ZNF331: variants seen among roughly 807,000 people sequenced by gnomAD.
ZNF331 encodes the protein zinc finger protein 331.
A neutral mutation model predicts 7.0 loss-of-function variants in ZNF331; 2 were observed. That is an observed-to-expected ratio of 0.29 (90% CI 0.12 to 0.90). The LOEUF (loss-of-function observed/expected upper bound fraction) is 0.90. Ranked by LOEUF, ZNF331 falls within the 40% of genes least tolerant of loss-of-function variation. The pLI is 0.58. For synonymous variants in ZNF331, 196 were observed against 205.4 expected (o/e 0.95, Z 0.39); for missense variants, 432 against 587.7 (o/e 0.74, Z 2.74).
At chr19:53,535,018 C>CAA (rs59509834), upstream of ZNF331, among the ~76,000 whole-genome samples, 871 of 127,096 alleles carry the variant, frequency 6.9e-3, 9 homozygotes, top group East Asian at 0.033. Flanking sequence ...AGCCTGTAAC[C>CAA]AAAAAAAAAA....
Position 53,571,858 on chromosome 19 carries a change from C to T in ZNF331, c.136+128C>T. 2 of 1,286,402 alleles carry T rather than the reference C, an allele frequency of 1.6e-6. No individual in the cohort carries two copies. Among genetic ancestry groups the T allele is most frequent in the Non-Finnish European group, 2.1e-6 (2 of 953,498 alleles). 79.7% of individuals were successfully genotyped at this position (1,286,402 alleles called of 1,614,324 possible). On this transcript the variant is annotated intron_variant, in intron 5 of 5. Transcript: ENST00000449416. This position sits in a 1 kb window ranked among gnomAD's most constrained non-coding sequence, Gnocchi z 4.7. Reference sequence around the variant, plus strand: ...CCTGTCCCCAAGGAATGTATTGAGCCTTATTGATGTGGCCGTGAGCACCAC... The same window carrying T: ...CCTGTCCCCAAGGAATGTATTGAGCTTTATTGATGTGGCCGTGAGCACCAC...
intron 3 of ZNF331, among the ~76,000 whole-genome samples, chr19:53,564,397 A>T (rs1014227756): frequency 6.6e-6 from 1 of 151,990 alleles, no homozygotes; most frequent in Non-Finnish European, 1.5e-5. Flanking sequence ...CTCCCGCCTC[A>T]GCCTCCCAAG....
intron 3 of ZNF331, among the ~76,000 whole-genome samples, chr19:53,563,511 C>A (rs2090001000): frequency 6.6e-6 from 1 of 152,038 alleles, no homozygotes; most frequent in Non-Finnish European, 1.5e-5. Context: ...TTTCATTCTT[C>A]ACACATTAAG....
chr19:53,532,038 G>C (rs1446788100), intron 2 of ZNF331, among the ~76,000 whole-genome samples: 1 of 151,646 alleles, frequency 6.6e-6, no homozygotes, highest in African/African-American at 2.4e-5. Flanking sequence ...ATTATGTTTT[G>C]ATATGTGTGT....
chr19:53,548,670 G>A (rs1430647654), intron 2 of ZNF331, among the ~76,000 whole-genome samples: 1 of 152,064 alleles, frequency 6.6e-6, no homozygotes, highest in Non-Finnish European at 1.5e-5. Flanking sequence ...TTAGTTTGAT[G>A]TAGTCCCATT....
chr19:53,540,934 C>T (rs184995989), intron 2 of ZNF331, among the ~76,000 whole-genome samples: 24 of 152,234 alleles, frequency 1.6e-4, no homozygotes, highest in African/African-American at 4.6e-4. Flanking sequence ...ACATTAGGCC[C>T]GCTGAGGTAA....
chr19:53,521,325 T>TGTGGGA (rs1256627156), exon 1 of ZNF331: 2 of 97,790 alleles, frequency 2.0e-5, no homozygotes, highest in African/African-American at 8.3e-5. Context: ...AGTGGGAGTG[T>TGTGGGA]GTGTGAGTGT....
intron 4 of ZNF331, 119 bp downstream of exon 4, chr19:53,569,504 T>A (rs538024010): frequency 5.8e-4 from 668 of 1,151,446 alleles, no homozygotes; most frequent in Non-Finnish European, 7.8e-4. Flanking sequence ...GTTTCCCAGC[T>A]CTTTCTATTC....
intron 2 of ZNF331, among the ~76,000 whole-genome samples, chr19:53,546,446 C>G (rs971570979): frequency 1.3e-5 from 2 of 152,040 alleles, no homozygotes; most frequent in East Asian, 3.9e-4. Flanking sequence ...GACCAGCCCT[C>G]TCCTTTGAGT....
Position 53,580,214 on chromosome 19 carries a change from A to T in ZNF331, c.*2262A>T, listed in dbSNP as rs538801892. On this transcript the variant is annotated 3_prime_UTR_variant, in exon 6 of 6. Transcript: ENST00000449416. ...CAGAACATCACATTGTACTCCATCA[A>T]TATAATACAATTATTATTTGTCAAT... 1 of 188,658 alleles carries T rather than the reference A, an allele frequency of 5.3e-6. No individual in the cohort carries two copies. The highest frequency in any genetic ancestry group is 1.9e-4 in the South Asian group (1 of 5,146). 11.7% of individuals were successfully genotyped at this position (188,658 alleles called of 1,614,324 possible). A position where few individuals can be genotyped will look rare whatever the true frequency, so the allele number is the denominator to read the frequency against.
At chr19:53,529,077 G>T (rs1016552756) in intron 2 of ZNF331, among the ~76,000 whole-genome samples, 1 of 152,088 alleles carries the variant, frequency 6.6e-6, no homozygotes, top group Admixed American at 6.5e-5. Flanking sequence ...ATGAGCCACC[G>T]CACCCAACCT....
At chr19:53,530,038 G>A (rs1038154210) in intron 2 of ZNF331, among the ~76,000 whole-genome samples, 1 of 152,096 alleles carries the variant, frequency 6.6e-6, no homozygotes, top group South Asian at 2.1e-4. Flanking sequence ...GCATGGTATC[G>A]ACATCTGGCA....
At chr19:53,570,242 C>A (rs2090371520) in intron 4 of ZNF331, among the ~76,000 whole-genome samples, 2 of 109,996 alleles carry the variant, frequency 1.8e-5, no homozygotes, top group African/African-American at 3.7e-5. Flanking sequence ...GGCAACAGAG[C>A]AAGACTCTGT....
At position 53,558,932 on chromosome 19, in the gene ZNF331, A is replaced by C. The variant is rs2089611566; in HGVS notation, c.-74+3024A>C. The stretch of plus-strand genomic sequence containing the variant: ...CACCTACATATATACACACACATAC[A>C]CACCATACACACATATACACATACC... On this transcript the variant is annotated intron_variant, in intron 3 of 5. Transcript: ENST00000449416. The surrounding 1 kb of genome is among the most constrained non-coding windows in gnomAD (Gnocchi z 4.5). Among the ~76,000 whole-genome samples, 1 of 117,484 alleles carries C rather than the reference A, an allele frequency of 8.5e-6. No individual in the cohort carries two copies. Among genetic ancestry groups the C allele is most frequent in the African/African-American group, 4.7e-5 (1 of 21,086 alleles). The allele number at this position is 117,484 out of a possible 152,430, so 77.1% of individuals were successfully genotyped here. A position where few individuals can be genotyped will look rare whatever the true frequency, so the allele number is the denominator to read the frequency against.
chr19:53,553,444 G>A (rs1333500072), intron 2 of ZNF331, among the ~76,000 whole-genome samples: 1 of 152,170 alleles, frequency 6.6e-6, no homozygotes, highest in African/African-American at 2.4e-5. Context: ...TCAGTATTAT[G>A]TGTACAACTA....
intron 2 of ZNF331, among the ~76,000 whole-genome samples, chr19:53,547,742 T>C (rs2147386105): frequency 6.6e-6 from 1 of 152,292 alleles, no homozygotes; most frequent in Middle Eastern, 3.4e-3. Context: ...TGATATCTCA[T>C]TGTGGTTTAA....
chr19:53,546,143 A>G (rs1330642150), intron 2 of ZNF331, among the ~76,000 whole-genome samples: 3 of 100,206 alleles, frequency 3.0e-5, no homozygotes, highest in African/African-American at 2.4e-4. Flanking sequence ...TGAGGGGGAA[A>G]AAAAAAAAAA....
intron 1 of ZNF331, chr19:53,538,822 G>T (rs1007056163): frequency 6.6e-6 from 1 of 152,558 alleles, no homozygotes; most frequent in Non-Finnish European, 1.5e-5. Context: ...TAGCTCCAGC[G>T]TCTCTGCTGC....
intron 4 of ZNF331, among the ~76,000 whole-genome samples, chr19:53,570,919 C>T (rs2090416345): frequency 6.7e-6 from 1 of 149,882 alleles, no homozygotes; most frequent in African/African-American, 2.5e-5. Context: ...TGCAGTGCCA[C>T]AATCTCCGCT....
Sources: allele counts gnomAD v4.1 joint callset (sites outside exome capture counted in the v4.1 genomes callset), GRCh38; gene constraint gnomAD v4.1.1; non-coding constraint Gnocchi (gnomAD v3.1); transcripts MANE v1.5; gene names NCBI Gene and HGNC (gene_info 2026-07-23, HGNC 2026-07-21).